The following PCDHA3 variants were observed in gnomAD, a reference collection of about 807,000 sequenced individuals.
PCDHA3 encodes the protein protocadherin alpha 3, also known as protocadherin alpha-3.
In PCDHA3, 41 loss-of-function variants were observed where a neutral mutation model predicts 62.2. The ratio of observed to expected loss-of-function variants is 0.66; its 90% CI spans 0.51 to 0.86. The LOEUF is 0.86. PCDHA3 is among the 40% of genes least tolerant of loss of function. PCDHA3 has a pLI of 0.00. For missense variants in PCDHA3, 1,304 were observed against 1,241.2 expected (o/e 1.05, Z -0.76); for synonymous variants, 640 against 555.4 (o/e 1.15, Z -2.14).
Position 140,823,061 on chromosome 5 carries a change from G to A in PCDHA3, c.2394+19470G>A, listed in dbSNP as rs2150121840. 3.7e-6 allele frequency: 6 copies of A among 1,613,882 alleles called. No homozygotes were observed. In the African/African-American group the frequency reaches 6.7e-5, roughly 18 times the overall value. ...GAGCTGGTGGTGACCGCGCGGGACG[G>A]GGGCTCGCCTTCGCTGTGGGCCACC... On this transcript the variant is annotated intron_variant, in intron 1 of 3. Coordinates refer to ENST00000522353, the MANE Select transcript of PCDHA3 (RefSeq NM_018906.3).
chr5:140,853,476 A>G (rs2042763502), intron 1 of PCDHA3: 2 of 972,352 alleles, frequency 2.1e-6, no homozygotes, highest in South Asian at 4.8e-5. Context: ...TGTAGTTAAC[A>G]TTCCTCAATT....
At chr5:140,913,867 T>G (rs1554196087) in intron 1 of PCDHA3, among the ~76,000 whole-genome samples, 2 of 152,234 alleles carry the variant, frequency 1.3e-5, no homozygotes. Flanking sequence ...TTGTTTAATT[T>G]CCATGTGTTC....
At chr5:140,968,639 G>T (rs1278507600) in intron 1 of PCDHA3, 1 of 1,614,150 alleles carries the variant, frequency 6.2e-7, no homozygotes, top group Non-Finnish European at 8.5e-7. Context: ...TTACCATCTA[G>T]CCCAGACTTC....
intron 3 of PCDHA3, among the ~76,000 whole-genome samples, chr5:140,984,769 C>T (rs145432187): frequency 1.3e-5 from 2 of 152,194 alleles, no homozygotes; most frequent in African/African-American, 2.4e-5. Context: ...TAATCCCAAG[C>T]TTACTTGCTG....
intron 3 of PCDHA3, among the ~76,000 whole-genome samples, chr5:140,997,328 G>A (rs76646758): frequency 0.013 from 1,948 of 152,070 alleles, 47 homozygotes; most frequent in African/African-American, 0.045. Flanking sequence ...CAGTTTTTTC[G>A]TTGTACAAAT....
chr5:140,881,106 C>T (rs1233394839), intron 1 of PCDHA3, among the ~76,000 whole-genome samples: 1 of 152,114 alleles, frequency 6.6e-6, no homozygotes, highest in Non-Finnish European at 1.5e-5. Context: ...CACCATTTGG[C>T]CTGGGATTTT....
intron 1 of PCDHA3, among the ~76,000 whole-genome samples, chr5:140,891,446 G>T (rs1554184841): frequency 1.0e-4 from 15 of 149,150 alleles, no homozygotes. Context: ...CATTGTATAG[G>T]ATTTTTGAAT....
intron 3 of PCDHA3, among the ~76,000 whole-genome samples, chr5:140,985,949 C>T (rs1195801055): frequency 2.6e-5 from 4 of 152,032 alleles, no homozygotes; most frequent in African/African-American, 9.7e-5. Context: ...CTGTGTTAGC[C>T]AGGATGGTCT....
chr5:140,878,408 T>G (rs1554170402), intron 1 of PCDHA3, among the ~76,000 whole-genome samples: 2 of 152,244 alleles, frequency 1.3e-5, no homozygotes, highest in Non-Finnish European at 2.9e-5. Context: ...AAATATCTTC[T>G]TTATTTCAAG....
chr5:140,877,062 G>T, intron 1 of PCDHA3: 3 of 1,612,992 alleles, frequency 1.9e-6, no homozygotes, highest in Non-Finnish European at 2.5e-6. Flanking sequence ...AGCTGGAGCT[G>T]CTGCAGTTCC....
intron 1 of PCDHA3, among the ~76,000 whole-genome samples, chr5:140,839,137 C>T (rs1175514541): frequency 6.8e-6 from 1 of 146,496 alleles, no homozygotes; most frequent in Non-Finnish European, 1.5e-5. Context: ...TTCACATAAG[C>T]AGACCAAGTT....
At chr5:140,933,253 A>G (rs958671776) in intron 1 of PCDHA3, among the ~76,000 whole-genome samples, 2 of 152,008 alleles carry the variant, frequency 1.3e-5, no homozygotes, top group Non-Finnish European at 2.9e-5. Context: ...TATAAACACA[A>G]AAGGTTATTA....
chr5:140,896,929 G>A (rs2065808653), intron 1 of PCDHA3, among the ~76,000 whole-genome samples: 2 of 152,106 alleles, frequency 1.3e-5, no homozygotes, highest in African/African-American at 4.8e-5. Flanking sequence ...ATCACATCAT[G>A]GAAAATGGAA....
chr5:140,910,324 T>C (rs2074979860), intron 1 of PCDHA3, among the ~76,000 whole-genome samples: 3 of 152,220 alleles, frequency 2.0e-5, no homozygotes, highest in Non-Finnish European at 4.4e-5. Flanking sequence ...AGTCAGACTA[T>C]TGTGATTGCT....
At chr5:140,952,797 C>T (rs782258698) in intron 1 of PCDHA3, among the ~76,000 whole-genome samples, 1 of 152,142 alleles carries the variant, frequency 6.6e-6, no homozygotes. Flanking sequence ...TTAACTGGCT[C>T]GCAGTTCTGC....
At chr5:140,870,614 C>A (rs782305059) in intron 1 of PCDHA3, 1 of 1,613,212 alleles carries the variant, frequency 6.2e-7, no homozygotes, top group South Asian at 1.1e-5. Flanking sequence ...CGCGCGCTGT[C>A]GAGCTACGTG....
intron 1 of PCDHA3, chr5:140,808,419 G>A (rs782218183): frequency 1.2e-6 from 2 of 1,614,168 alleles, no homozygotes; most frequent in Non-Finnish European, 1.7e-6. Flanking sequence ...GTGCTGGACA[G>A]TGCCCTGGAC....
At chr5:140,846,140 T>C (rs1780219346) in intron 1 of PCDHA3, among the ~76,000 whole-genome samples, 1 of 149,740 alleles carries the variant, frequency 6.7e-6, no homozygotes, top group Non-Finnish European at 1.5e-5. Context: ...GTTTCCCATA[T>C]TTAAAAGTTG....
chr5:140,972,235 G>A (rs1368131761), intron 1 of PCDHA3, among the ~76,000 whole-genome samples: 2 of 151,838 alleles, frequency 1.3e-5, no homozygotes, highest in African/African-American at 4.8e-5. Context: ...GACCTTCTGG[G>A]CTCAAGCAAT....
Sources: gnomAD v4.1 joint callset for allele counts (sites outside exome capture counted in the v4.1 genomes callset) on GRCh38, gnomAD v4.1.1 for gene constraint, MANE v1.5 for transcripts, NCBI Gene and HGNC (gene_info 2026-07-23, HGNC 2026-07-21) for gene names.